The following KCND3 variants were observed in gnomAD, a reference collection of about 807,000 sequenced individuals.
KCND3 encodes the protein potassium voltage-gated channel subfamily D member 3.
In KCND3, 9 loss-of-function variants were observed where a neutral mutation model predicts 51.1. The ratio of observed to expected loss-of-function variants is 0.18; its 90% CI spans 0.11 to 0.31. The LOEUF (loss-of-function observed/expected upper bound fraction) is 0.31, where lower values mean the gene tolerates loss of function less well. Ranked by LOEUF, KCND3 falls within the 10% of genes least tolerant of loss-of-function variation. The pLI, the probability that KCND3 is intolerant of heterozygous loss-of-function variation, is 1.00. For synonymous variants in KCND3, 349 were observed against 368.0 expected (o/e 0.95, Z 0.59); for missense variants, 526 against 903.8 (o/e 0.58, Z 5.36).
chr1:111,818,555 C>T (rs1434951624), intron 2 of KCND3, among the ~76,000 whole-genome samples: 1 of 152,246 alleles, frequency 6.6e-6, no homozygotes, highest in Non-Finnish European at 1.5e-5. Flanking sequence ...AACTTCCAGG[C>T]TTTTCTGCAT....
At chr1:111,923,508 C>A (rs1169020984) in intron 2 of KCND3, among the ~76,000 whole-genome samples, 1 of 152,204 alleles carries the variant, frequency 6.6e-6, no homozygotes, top group Non-Finnish European at 1.5e-5. Flanking sequence ...AGGACCCTGA[C>A]AGGTAGTTGT....
At chr1:111,825,637 T>G (rs1429378094) in intron 2 of KCND3, among the ~76,000 whole-genome samples, 1 of 152,242 alleles carries the variant, frequency 6.6e-6, no homozygotes, top group African/African-American at 2.4e-5. Flanking sequence ...CAGAAAGAAT[T>G]AAACAAATCA....
intron 2 of KCND3, among the ~76,000 whole-genome samples, chr1:111,838,557 T>C (rs367912117): frequency 7.9e-5 from 12 of 152,108 alleles, no homozygotes; most frequent in African/African-American, 2.9e-4. Flanking sequence ...CTCGGGAGGC[T>C]GAGGCAGGAG....
chr1:111,977,022 A>G (rs1373690406), intron 2 of KCND3, among the ~76,000 whole-genome samples: 2 of 152,200 alleles, frequency 1.3e-5, no homozygotes, highest in African/African-American at 4.8e-5. Flanking sequence ...TCAACAAAGA[A>G]ATGTCAACAG....
intron 2 of KCND3, among the ~76,000 whole-genome samples, chr1:111,968,791 G>A (rs1239019990): frequency 1.3e-5 from 2 of 152,118 alleles, no homozygotes; most frequent in African/African-American, 2.4e-5. Flanking sequence ...TGCTGGCTGG[G>A]CTGTGATCTC....
At chr1:111,898,922 G>T in intron 2 of KCND3, among the ~76,000 whole-genome samples, 1 of 152,090 alleles carries the variant, frequency 6.6e-6, no homozygotes, top group East Asian at 1.9e-4. Flanking sequence ...ACCAAGCATT[G>T]CTGGGGCTCA....
rs562245736 is a variant in KCND3 at position 111,982,778 on chromosome 1, T to C, written c.-52A>G. The C allele has an allele frequency of 6.4e-6, 10 of 1,561,290 alleles. No homozygotes were observed. The Admixed American group carries it at 1.7e-4, about 26-fold the overall frequency. On this transcript the variant is annotated 5_prime_UTR_variant, in exon 2 of 8. Coordinates refer to ENST00000302127, the MANE Select transcript of KCND3 (RefSeq NM_001378969.1). This position sits in a 1 kb window ranked among gnomAD's most constrained non-coding sequence, Gnocchi z 8.5. The stretch of plus-strand genomic sequence containing the variant: ...CCGCGCGGACGCTAGGCACACCAGC[T>C]TGGAGTTAGTTCAGCAAACCCTGGG...
intron 2 of KCND3, among the ~76,000 whole-genome samples, chr1:111,959,775 C>CA (rs1002424343): frequency 1.3e-5 from 2 of 151,990 alleles, no homozygotes; most frequent in African/African-American, 4.8e-5. Flanking sequence ...GCTGGAGGTG[C>CA]AAAAAATAGT....
intron 2 of KCND3, among the ~76,000 whole-genome samples, chr1:111,838,180 G>A (rs1037831547): frequency 6.6e-6 from 1 of 152,184 alleles, no homozygotes; most frequent in Non-Finnish European, 1.5e-5. Context: ...TGGTACTCCA[G>A]CTCCTTGAGG....
chr1:111,936,224 G>A (rs1260719797), intron 2 of KCND3, among the ~76,000 whole-genome samples: 1 of 152,188 alleles, frequency 6.6e-6, no homozygotes, highest in African/African-American at 2.4e-5. Flanking sequence ...CACTGGTGAG[G>A]CTGGTCCCAG....
chr1:111,822,868 C>T (rs752386694), intron 2 of KCND3, among the ~76,000 whole-genome samples: 1 of 152,196 alleles, frequency 6.6e-6, no homozygotes, highest in East Asian at 1.9e-4. Flanking sequence ...AACAACCTAG[C>T]GTCTTTTGAG....
intron 2 of KCND3, among the ~76,000 whole-genome samples, chr1:111,874,985 C>T (rs1346052204): frequency 6.6e-6 from 1 of 152,226 alleles, no homozygotes; most frequent in Non-Finnish European, 1.5e-5. Context: ...ATTCAATGCC[C>T]TAGGTAGTCA....
intron 2 of KCND3, chr1:111,910,185 A>T (rs1485870327): frequency 6.6e-6 from 1 of 152,212 alleles, no homozygotes; most frequent in Non-Finnish European, 1.5e-5. Flanking sequence ...ACAGCTTGGC[A>T]TTCTCTTTGG....
chr1:111,879,992 A>G (rs1669229622), intron 2 of KCND3, among the ~76,000 whole-genome samples: 1 of 152,188 alleles, frequency 6.6e-6, no homozygotes, highest in Non-Finnish European at 1.5e-5. Flanking sequence ...TGGGATGATT[A>G]TAGTGGTAAC....
intron 3 of KCND3, among the ~76,000 whole-genome samples, chr1:111,784,103 T>TCCCACACACACACA (rs1553236798): frequency 8.5e-6 from 1 of 117,484 alleles, no homozygotes; most frequent in Non-Finnish European, 1.9e-5. Context: ...CATTAACTTA[T>TCCCACACACACACA]CACACACACA....
chr1:111,791,901 C>A (rs1362711955), intron 2 of KCND3, among the ~76,000 whole-genome samples: 1 of 152,220 alleles, frequency 6.6e-6, no homozygotes, highest in Non-Finnish European at 1.5e-5. Context: ...ACTTCAACAT[C>A]ATCCACCAGT....
Position 111,982,019 on chromosome 1 carries a change from G to A in KCND3, c.708C>T (p.Ile236=). Residue 236 remains isoleucine (I), a synonymous_variant, in exon 2 of 8, where the codon ATC becomes ATT. Transcript: ENST00000302127. This position sits in a 1 kb window ranked among gnomAD's most constrained non-coding sequence, Gnocchi z 8.5. ...FFCLDTACVM[I]FTVEYLLRLF... ...GCCGCAGGAGGTACTCCACGGTGAA[G>A]ATCATGACGCACGCCGTGTCCAGGC... 3 of 1,613,878 alleles carry A rather than the reference G, an allele frequency of 1.9e-6. No homozygotes were observed. Among genetic ancestry groups the A allele is most frequent in the Non-Finnish European group, 2.5e-6 (3 of 1,179,996 alleles).
rs374458176 is a variant in KCND3 at position 111,973,986 on chromosome 1, C to G, written c.1106+7635G>C. Among the ~76,000 whole-genome samples the G allele has an allele frequency of 7.0e-4, 107 of 152,328 alleles. 2 individuals are homozygous for G. In the South Asian group the frequency reaches 0.022, roughly 31 times the overall value. On this transcript the variant is annotated intron_variant, in intron 2 of 7. Transcript: ENST00000302127. The stretch of plus-strand genomic sequence containing the variant: ...ATTTTTCTGATTCAGTTTAATGACA[C>G]TCATTCGAGTCCTGACACCCAGAAT...
Position 111,780,182 on chromosome 1 carries a change from A to T in KCND3, c.1461+43T>A. Reference sequence around the variant, plus strand: ...GTGAGTACAGCCTTAGAAAAGGGTCAGGGTCAGCGATGAAAAGGAGGTGGC... The same window carrying T: ...GTGAGTACAGCCTTAGAAAAGGGTCTGGGTCAGCGATGAAAAGGAGGTGGC... On this transcript the variant is annotated intron_variant, in intron 5 of 7. Coordinates refer to ENST00000302127, the MANE Select transcript of KCND3 (RefSeq NM_001378969.1). The surrounding 1 kb of genome is among the most constrained non-coding windows in gnomAD (Gnocchi z 4.2). 6.6e-7 allele frequency: 1 copy of T among 1,520,678 alleles called. No individual in the cohort carries two copies. 94.2% of individuals were successfully genotyped at this position (1,520,678 alleles called of 1,614,324 possible). A position where few individuals can be genotyped will look rare whatever the true frequency, so the allele number is the denominator to read the frequency against.
Sources: allele counts gnomAD v4.1 joint callset (sites outside exome capture counted in the v4.1 genomes callset), GRCh38; gene constraint gnomAD v4.1.1; non-coding constraint Gnocchi (gnomAD v3.1); transcripts MANE v1.5; gene names NCBI Gene and HGNC (gene_info 2026-07-23, HGNC 2026-07-21).